The following ERAP1 variants were observed in gnomAD, a reference collection of about 807,000 sequenced individuals.
ERAP1 encodes endoplasmic reticulum aminopeptidase 1.
Under a neutral mutation model 103.7 loss-of-function variants are expected in ERAP1, and 86 were observed. That is an observed-to-expected ratio of 0.83 (90% confidence interval 0.70 to 0.99). The LOEUF (loss-of-function observed/expected upper bound fraction) is 0.99. Ranked by LOEUF, ERAP1 falls within the 50% of genes least tolerant of loss-of-function variation. ERAP1 has a pLI of 0.00. For synonymous variants in ERAP1, 398 were observed against 402.4 expected (o/e 0.99, Z 0.13); for missense variants, 1,009 against 1,128.4 (o/e 0.89, Z 1.52).
the ERAP1 span, among the ~76,000 whole-genome samples, chr5:96,867,340 G>A: frequency 6.6e-6 from 1 of 151,968 alleles, no homozygotes; most frequent in African/African-American, 2.4e-5. Context: ...CTTTAGTTAT[G>A]GCTGCATAAC....
intron 19 of ERAP1, among the ~76,000 whole-genome samples, chr5:96,763,658 A>C (rs1768789989): frequency 6.6e-6 from 1 of 152,214 alleles, no homozygotes; most frequent in African/African-American, 2.4e-5. Flanking sequence ...AGCTTTATTT[A>C]GATAAAAATA....
the ERAP1 span, among the ~76,000 whole-genome samples, chr5:96,922,188 C>T: frequency 6.6e-6 from 1 of 152,148 alleles, no homozygotes; most frequent in East Asian, 1.9e-4. Flanking sequence ...GTCCCAGCTA[C>T]TCGGGAGGCT....
chr5:96,819,680 A>C, the ERAP1 span, among the ~76,000 whole-genome samples: 244 of 152,314 alleles, frequency 1.6e-3, 1 homozygote, highest in African/African-American at 5.7e-3. Context: ...ACCAGATCAG[A>C]TCAGCAATTA....
intron 13 of ERAP1, chr5:96,785,055 C>A (rs1437455799): frequency 6.6e-6 from 1 of 152,300 alleles, no homozygotes; most frequent in Non-Finnish European, 1.5e-5. Context: ...AAAATTTAGG[C>A]CAGAAGGATA....
the ERAP1 span, among the ~76,000 whole-genome samples, chr5:96,840,973 G>C: frequency 6.6e-6 from 1 of 152,120 alleles, no homozygotes; most frequent in African/African-American, 2.4e-5. Context: ...CAAAGTGCTG[G>C]GATTACAGGC....
At chr5:96,895,321 C>A in the ERAP1 span, 1 of 1,612,502 alleles carries the variant, frequency 6.2e-7, no homozygotes, top group Non-Finnish European at 8.5e-7. Flanking sequence ...ATACATGGAA[C>A]TTATCGCTGT....
At chr5:96,768,383 CCTTA>C in intron 19 of ERAP1, 1 of 456,640 alleles carries the variant, frequency 2.2e-6, no homozygotes, top group Non-Finnish European at 4.4e-6. Context: ...TGCGCCTGGC[CCTTA>C]CAATTTTTAA....
rs992729250 is a variant in ERAP1, at chr5:96,775,772, C to T, written c.*624G>A. The T allele has an allele frequency of 8.9e-6, 2 of 225,228 alleles. No individual in the cohort carries two copies. Among genetic ancestry groups the T allele is most frequent in the Non-Finnish European group, 1.5e-5 (2 of 134,638 alleles). The allele number at this position is 225,228 out of a possible 1,614,324, so 14.0% of individuals were successfully genotyped here. ...CTCAGGGGAGGCCAGCCCGAGGCATCCCGCAAGGGAATCAGGGAAGAACAC... is the reference window on the plus strand; with the variant it reads ...CTCAGGGGAGGCCAGCCCGAGGCATTCCGCAAGGGAATCAGGGAAGAACAC... On this transcript the variant is annotated 3_prime_UTR_variant, in exon 19 of 19. Transcript: ENST00000443439.
the ERAP1 span, chr5:96,917,660 A>C: frequency 1.8e-5 from 26 of 1,435,518 alleles, no homozygotes; most frequent in Non-Finnish European, 2.5e-5. Context: ...TAATCCCAGC[A>C]CTTTGGGAGG....
chr5:96,792,116 G>A lies in ERAP1; in HGVS notation c.1265C>T (p.Pro422Leu). ...CCGGATCTGAGCAGGATTTTCCACAGGTGTAGACACAGGGTGTGAGGAATT... is the reference window on the plus strand; with the variant it reads ...CCGGATCTGAGCAGGATTTTCCACAAGTGTAGACACAGGGTGTGAGGAATT... ...ALNSSHPVST[P>L]VENPAQIREM... The change falls in exon 8 of 19, where the codon CCT becomes CTT. Residue 422 changes from proline (P) to leucine (L), a missense_variant. Physicochemically the swap from Pro to Leu is moderately conservative, Grantham distance 98. Coordinates refer to ENST00000443439, the MANE Select transcript of ERAP1 (RefSeq NM_001040458.3). 1 of 1,614,064 alleles carries A rather than the reference G, an allele frequency of 6.2e-7. No individual in the cohort carries two copies. Among genetic ancestry groups the A allele is most frequent in the African/African-American group, 1.3e-5 (1 of 75,042 alleles).
At chr5:96,809,290 G>GTA (rs1779004728), upstream of ERAP1, among the ~76,000 whole-genome samples, 1 of 152,196 alleles carries the variant, frequency 6.6e-6, no homozygotes, top group African/African-American at 2.4e-5. Flanking sequence ...TCCTGGGAGT[G>GTA]TAGCCCAGTA....
the ERAP1 span, among the ~76,000 whole-genome samples, chr5:96,932,558 C>T: frequency 6.6e-6 from 1 of 152,160 alleles, no homozygotes; most frequent in Non-Finnish European, 1.5e-5. Flanking sequence ...AACTCTGAAG[C>T]ACTGGTTTAG....
the ERAP1 span, among the ~76,000 whole-genome samples, chr5:96,815,982 C>T: frequency 6.6e-6 from 1 of 152,022 alleles, no homozygotes; most frequent in East Asian, 1.9e-4. Flanking sequence ...CAAGTATAAG[C>T]TACTTTTGGG....
the ERAP1 span, among the ~76,000 whole-genome samples, chr5:96,895,777 G>C: frequency 1.3e-5 from 2 of 152,200 alleles, no homozygotes; most frequent in African/African-American, 4.8e-5. Flanking sequence ...TCCCCAAAAT[G>C]TGTGAAGGGA....
rs1450096492 is a variant in ERAP1 at position 96,790,386 on chromosome 5, C to T, written c.1453-19G>A. On this transcript the variant is annotated intron_variant, in intron 9 of 18. Coordinates refer to ENST00000443439, the MANE Select transcript of ERAP1 (RefSeq NM_001040458.3). ...GGCAAATCTAAAAACCAAAAATAAACACATCACTCTTATTTCTATAGAAAA... is the reference window on the plus strand; with the variant it reads ...GGCAAATCTAAAAACCAAAAATAAATACATCACTCTTATTTCTATAGAAAA... The T allele has an allele frequency of 6.2e-7, 1 of 1,612,930 alleles. No individual in the cohort carries two copies. Among genetic ancestry groups the T allele is most frequent in the Non-Finnish European group, 8.5e-7 (1 of 1,179,024 alleles).
At chr5:96,800,724 T>C (rs1777893479) in intron 3 of ERAP1, 138 bp downstream of exon 3, 1 of 939,820 alleles carries the variant, frequency 1.1e-6, no homozygotes, top group Admixed American at 2.0e-5. Context: ...AAGCATAGGT[T>C]ATAAATGAAA....
At chr5:96,909,914 G>GT in the ERAP1 span, 1 of 677,378 alleles carries the variant, frequency 1.5e-6, no homozygotes, top group Non-Finnish European at 2.5e-6. Flanking sequence ...CTCTCACATT[G>GT]TAAGTGCTAT....
chr5:96,770,653 T>C (rs1771973385), downstream of ERAP1: 1 of 1,219,326 alleles, frequency 8.2e-7, no homozygotes, highest in Non-Finnish European at 1.2e-6. Flanking sequence ...TTACACAGAG[T>C]AGGGTTTATC....
chr5:96,812,077 A>G (rs1229640363), upstream of ERAP1, among the ~76,000 whole-genome samples: 1 of 152,234 alleles, frequency 6.6e-6, no homozygotes, highest in Non-Finnish European at 1.5e-5. Flanking sequence ...GACTGAATAT[A>G]TGCACTGAAC....
Sources: allele counts gnomAD v4.1 joint callset (sites outside exome capture counted in the v4.1 genomes callset), GRCh38; gene constraint gnomAD v4.1.1; transcripts MANE v1.5; gene names NCBI Gene and HGNC (gene_info 2026-07-23, HGNC 2026-07-21).